Variants in E2F6 observed in about 807,000 individuals in gnomAD.
E2F6 encodes transcription factor E2F6.
A neutral mutation model predicts 31.5 loss-of-function variants in E2F6; 19 were observed. The ratio of observed to expected loss-of-function variants is 0.60; its 90% CI spans 0.42 to 0.89. E2F6 has a LOEUF of 0.89. Among genes scored for constraint, E2F6 ranks in the 40% least tolerant of loss-of-function variants. E2F6 has a pLI of 0.00. For missense variants in E2F6, 269 were observed against 341.6 expected, an observed-to-expected ratio of 0.79 and a Z score of 1.67; for synonymous variants, 121 against 127.7, an observed-to-expected ratio of 0.95 and a Z score of 0.36.
intron 1 of E2F6, among the ~76,000 whole-genome samples, chr2:11,463,276 T>C (rs1444543930): frequency 6.6e-6 from 1 of 152,234 alleles, no homozygotes; most frequent in Non-Finnish European, 1.5e-5. Flanking sequence ...CTCTTGTTCA[T>C]CAGCCCACTT....
In E2F6 at chr2:11,445,822, G is replaced by A. The variant is rs1488148501; in HGVS notation, c.*655C>T. On this transcript the variant is annotated 3_prime_UTR_variant, in exon 7 of 7. Transcript: ENST00000381525. ...TTTAATTAAATCCACAAACATAAAT[G>A]TGTAGCACATTTATGATACTTCTAC... 1.3e-5 allele frequency: 2 copies of A among 150,896 alleles called. No individual in the cohort carries two copies. Among genetic ancestry groups the A allele is most frequent in the African/African-American group, 2.4e-5 (1 of 40,874 alleles). The allele number at this position is 150,896 out of a possible 1,614,324, so 9.3% of individuals were successfully genotyped here. A position where few individuals can be genotyped will look rare whatever the true frequency, so the allele number is the denominator to read the frequency against.
chr2:11,453,492 G>T, intron 3 of E2F6, 90 bp downstream of exon 3: 1 of 1,229,514 alleles, frequency 8.1e-7, no homozygotes, highest in South Asian at 1.3e-5. Flanking sequence ...GTATTATATT[G>T]TCAAAACACT....
At chr2:11,452,442 A>G (rs1182127885) in intron 3 of E2F6, among the ~76,000 whole-genome samples, 1 of 152,084 alleles carries the variant, frequency 6.6e-6, no homozygotes, top group Non-Finnish European at 1.5e-5. Context: ...CGTCTCTACT[A>G]AAAATACAAA....
At chr2:11,447,180 C>A (rs1158934702) in intron 6 of E2F6, among the ~76,000 whole-genome samples, 2 of 152,196 alleles carry the variant, frequency 1.3e-5, no homozygotes, top group Non-Finnish European at 2.9e-5. Context: ...GAGGCGACGT[C>A]CTTAGAAATG....
chr2:11,446,300 A>C lies in E2F6; in HGVS notation c.*177T>G. Reference sequence around the variant, plus strand: ...GGAGTTGTTTTCAAATGTGGAAACCACAATTACTCAGTAATCTAAGTGGTG... The same window carrying C: ...GGAGTTGTTTTCAAATGTGGAAACCCCAATTACTCAGTAATCTAAGTGGTG... On this transcript the variant is annotated 3_prime_UTR_variant, in exon 7 of 7. Coordinates refer to ENST00000381525, the MANE Select transcript of E2F6 (RefSeq NM_198256.4). The C allele has an allele frequency of 1.9e-6, 1 of 521,630 alleles. No individual in the cohort carries two copies. Among genetic ancestry groups the C allele is most frequent in the Non-Finnish European group, 3.5e-6 (1 of 288,568 alleles). The allele number at this position is 521,630 out of a possible 1,614,324, so 32.3% of individuals were successfully genotyped here. A position where few individuals can be genotyped will look rare whatever the true frequency, so the allele number is the denominator to read the frequency against.
At chr2:11,449,279 T>G (rs1465428988) in intron 5 of E2F6, among the ~76,000 whole-genome samples, 1 of 152,148 alleles carries the variant, frequency 6.6e-6, no homozygotes, top group Non-Finnish European at 1.5e-5. Context: ...TGAACAGTGG[T>G]CTGCTGGGGA....
chr2:11,459,912 AT>A (rs1040128901), intron 1 of E2F6, among the ~76,000 whole-genome samples: 1 of 152,100 alleles, frequency 6.6e-6, no homozygotes, highest in African/African-American at 2.4e-5. Flanking sequence ...AAATAGGCAG[AT>A]TGTTTGCATG....
intron 4 of E2F6, 139 bp from the exon 5 acceptor site, chr2:11,450,265 AG>A: frequency 9.4e-6 from 4 of 425,522 alleles, no homozygotes; most frequent in Non-Finnish European, 1.7e-5. Flanking sequence ...TAAGGAAAGC[AG>A]TAAAAAAAAA....
chr2:11,458,823 T>C lies in E2F6; in HGVS notation c.109-1590A>G, dbSNP rs542398427. Among the ~76,000 whole-genome samples the C allele has an allele frequency of 3.0e-4, 46 of 152,270 alleles. 1 individual carries two copies. Among genetic ancestry groups the C allele is most frequent in the African/African-American group, 1.0e-3 (42 of 41,548 alleles). On this transcript the variant is annotated intron_variant, in intron 1 of 6. Coordinates refer to ENST00000381525, the MANE Select transcript of E2F6 (RefSeq NM_198256.4). Reference sequence around the variant, plus strand: ...ACAGAATCCCACTGTAAAATTAATTTAGTTGTTAGAATTGAACACGTAGAC... The same window carrying C: ...ACAGAATCCCACTGTAAAATTAATTCAGTTGTTAGAATTGAACACGTAGAC...
At chr2:11,460,880 C>T (rs1187817344) in intron 1 of E2F6, among the ~76,000 whole-genome samples, 1 of 152,110 alleles carries the variant, frequency 6.6e-6, no homozygotes, top group Non-Finnish European at 1.5e-5. Flanking sequence ...TACAATGTCA[C>T]CAGGTGATAG....
At chr2:11,461,026 G>A (rs1432375586) in intron 1 of E2F6, among the ~76,000 whole-genome samples, 1 of 152,000 alleles carries the variant, frequency 6.6e-6, no homozygotes, top group African/African-American at 2.4e-5. Flanking sequence ...AGGTCTAGAA[G>A]CAAAGAGGGG....
chr2:11,447,032 G>A (rs78927038), intron 6 of E2F6, among the ~76,000 whole-genome samples: 2,017 of 152,298 alleles, frequency 0.013, 22 homozygotes, highest in Non-Finnish European at 0.019. Flanking sequence ...TGGGTACTGT[G>A]ATGGCTTCTG....
chr2:11,450,204 C>A, intron 4 of E2F6, 78 bp from the exon 5 acceptor site: 3 of 884,210 alleles, frequency 3.4e-6, no homozygotes, highest in South Asian at 1.7e-5. Flanking sequence ...TCAGTTAACG[C>A]AAGGGTAATG....
chr2:11,458,366 G>GA (rs1303992149), intron 1 of E2F6: 15 of 1,551,386 alleles, frequency 9.7e-6, no homozygotes, highest in Middle Eastern at 1.7e-4. Flanking sequence ...GGGGAGAGAA[G>GA]AAAAAAGACA....
intron 1 of E2F6, among the ~76,000 whole-genome samples, chr2:11,464,856 C>A (rs1262445059): frequency 1.3e-5 from 2 of 151,902 alleles, no homozygotes; most frequent in African/African-American, 2.4e-5. Context: ...GGTAGGGGAA[C>A]CAGGCATAAT....
chr2:11,448,477 C>A (rs774312150), intron 5 of E2F6, among the ~76,000 whole-genome samples: 18 of 152,158 alleles, frequency 1.2e-4, no homozygotes, highest in Non-Finnish European at 2.2e-4. Flanking sequence ...CACACATACA[C>A]CACTGCTCCC....
Position 11,461,924 on chromosome 2 carries a change from A to G in E2F6, c.108+3848T>C, listed in dbSNP as rs1671804941. On this transcript the variant is annotated intron_variant, in intron 1 of 6. Transcript: ENST00000381525. ...AAAAATATTTGAAAATATCACATATAGCGTCACTAAATTCTTTGCCTCTTA... is the reference window on the plus strand; with the variant it reads ...AAAAATATTTGAAAATATCACATATGGCGTCACTAAATTCTTTGCCTCTTA... Among the ~76,000 whole-genome samples, 5 of 152,388 alleles carry G rather than the reference A, an allele frequency of 3.3e-5. No individual in the cohort carries two copies. The South Asian group carries it at 1.0e-3, about 32-fold the overall frequency.
At chr2:11,449,419 GA>G (rs1558451436) in intron 5 of E2F6, among the ~76,000 whole-genome samples, 2 of 152,216 alleles carry the variant, frequency 1.3e-5, no homozygotes, top group African/African-American at 2.4e-5. Context: ...TGTGTCCCAA[GA>G]ATGGCCACAT....
At chr2:11,448,405 A>G (rs1362198523) in intron 5 of E2F6, among the ~76,000 whole-genome samples, 2 of 152,190 alleles carry the variant, frequency 1.3e-5, no homozygotes, top group Admixed American at 6.5e-5. Flanking sequence ...TTTAATTGGG[A>G]GCTGCTTCAA....
Sources: allele counts gnomAD v4.1 joint callset (sites outside exome capture counted in the v4.1 genomes callset), GRCh38; gene constraint gnomAD v4.1.1; transcripts MANE v1.5; gene names NCBI Gene and HGNC (gene_info 2026-07-23, HGNC 2026-07-21).